Variants in ELAVL2 observed in about 807,000 individuals in gnomAD.
The protein encoded by ELAVL2 is ELAV like RNA binding protein 2.
A neutral mutation model predicts 34.6 loss-of-function variants in ELAVL2; 4 were observed. The ratio of observed to expected loss-of-function variants is 0.12; its 90% CI spans 0.06 to 0.26. ELAVL2 has a LOEUF of 0.26. Among genes scored for constraint, ELAVL2 ranks in the 10% least tolerant of loss-of-function variants. The pLI is 1.00. For missense variants in ELAVL2, 432 were observed against 442.8 expected, an observed-to-expected ratio of 0.98 and a Z score of 0.22; for synonymous variants, 193 against 154.8, an observed-to-expected ratio of 1.25 and a Z score of -1.83.
chr9:23,826,298 G>A (rs2065292511), upstream of ELAVL2: 1 of 152,354 alleles, frequency 6.6e-6, no homozygotes, highest in Non-Finnish European at 1.5e-5. Flanking sequence ...CCCCTTCTCT[G>A]CCTCCGCACT....
intron 2 of ELAVL2, among the ~76,000 whole-genome samples, chr9:23,737,787 C>T (rs1278515651): frequency 6.6e-6 from 1 of 152,142 alleles, no homozygotes; most frequent in Non-Finnish European, 1.5e-5. Context: ...TTAGCAGAAA[C>T]AGGTCACTAT....
the ELAVL2 span, among the ~76,000 whole-genome samples, chr9:23,844,698 A>G: frequency 6.6e-6 from 1 of 151,960 alleles, no homozygotes; most frequent in Non-Finnish European, 1.5e-5. Context: ...TTAACTTTAT[A>G]ATCTCTATTT....
rs575012755 is a variant in ELAVL2 at position 23,815,204 on chromosome 9, G to GA, written c.-16+10601dup. On this transcript the variant is annotated intron_variant, in intron 1 of 6. Coordinates refer to ENST00000397312, the MANE Select transcript of ELAVL2 (RefSeq NM_004432.5). ...AAATTTAAAATTTTGATTTTTCACT[G>GA]AAAAAAATATGAGAAATTTAAATTA... 3.0e-4 allele frequency among the ~76,000 whole-genome samples: 46 copies of GA among 152,090 alleles called. 1 individual carries two copies. The East Asian group carries it at 5.6e-3, about 19-fold the overall frequency.
chr9:23,790,553 T>C (rs1044736624), intron 1 of ELAVL2, among the ~76,000 whole-genome samples: 1 of 152,084 alleles, frequency 6.6e-6, no homozygotes, highest in Non-Finnish European at 1.5e-5. Context: ...ACCATAAAGC[T>C]CAACGTAAAG....
At chr9:23,800,069 A>C (rs2061401935) in intron 1 of ELAVL2, among the ~76,000 whole-genome samples, 1 of 152,210 alleles carries the variant, frequency 6.6e-6, no homozygotes, top group Non-Finnish European at 1.5e-5. Flanking sequence ...TTTCTCCTAA[A>C]ATAACCTCAT....
In ELAVL2 at chr9:23,772,533, C is replaced by CA. The variant is rs1433663815; in HGVS notation, c.-15-10285_-15-10284insT. On this transcript the variant is annotated intron_variant, in intron 1 of 6. Coordinates refer to ENST00000397312, the MANE Select transcript of ELAVL2 (RefSeq NM_004432.5). ...ACTGTTTAACCTCAAGCAGCTTACA[C>CA]CAAAAAAAAAAAAAAAAAAAAAAAG... Among the ~76,000 whole-genome samples, 489 of 87,272 alleles carry CA rather than the reference C, an allele frequency of 5.6e-3. 3 individuals are homozygous for CA. Among genetic ancestry groups the CA allele is most frequent in the African/African-American group, 0.025 (465 of 18,846 alleles). The allele number at this position is 87,272 out of a possible 152,430, so 57.3% of individuals were successfully genotyped here.
chr9:23,814,051 T>C (rs1440819623), intron 1 of ELAVL2, among the ~76,000 whole-genome samples: 1 of 152,102 alleles, frequency 6.6e-6, no homozygotes, highest in Non-Finnish European at 1.5e-5. Context: ...CAAGAAGCAA[T>C]ACATTTGGCT....
the ELAVL2 span, among the ~76,000 whole-genome samples, chr9:23,850,099 ATACC>A: frequency 6.8e-6 from 1 of 146,536 alleles, no homozygotes; most frequent in Non-Finnish European, 1.5e-5. Context: ...GGTTCAGAAC[ATACC>A]GGGGAGGGGG....
intron 1 of ELAVL2, among the ~76,000 whole-genome samples, chr9:23,786,090 C>T (rs976842121): frequency 4.6e-5 from 7 of 152,118 alleles, no homozygotes; most frequent in African/African-American, 1.7e-4. Context: ...ACATTTGAAA[C>T]ATTTGTGATA....
the ELAVL2 span, among the ~76,000 whole-genome samples, chr9:23,841,432 T>C: frequency 6.6e-6 from 1 of 151,888 alleles, no homozygotes; most frequent in Non-Finnish European, 1.5e-5. Flanking sequence ...GTTTTTACTT[T>C]AGAGTTTCTA....
rs114033619 is a variant in ELAVL2 at position 23,786,382 on chromosome 9, A to G, written c.-15-24133T>C. Among the ~76,000 whole-genome samples the G allele has an allele frequency of 1.7e-3, 253 of 152,324 alleles. 2 individuals carry two copies. The highest frequency in any genetic ancestry group is 5.9e-3 in the African/African-American group (246 of 41,580). ...AAATGCTTATTTCATACTGAAATTT[A>G]CAGGACATGAATGACTTAGCAATAT... On this transcript the variant is annotated intron_variant, in intron 1 of 6. Transcript: ENST00000397312.
intron 3 of ELAVL2, among the ~76,000 whole-genome samples, chr9:23,715,825 G>A (rs1170084926): frequency 6.6e-6 from 1 of 152,054 alleles, no homozygotes; most frequent in Non-Finnish European, 1.5e-5. Context: ...ACACTGGCTG[G>A]CATAAATAAA....
At chr9:23,778,230 G>C (rs981445731) in intron 1 of ELAVL2, among the ~76,000 whole-genome samples, 9 of 152,132 alleles carry the variant, frequency 5.9e-5, no homozygotes, top group African/African-American at 2.2e-4. Context: ...GAAGGACAAA[G>C]GAAAAGTGGC....
chr9:23,741,838 G>C (rs1191481668), intron 2 of ELAVL2, among the ~76,000 whole-genome samples: 2 of 152,086 alleles, frequency 1.3e-5, no homozygotes, highest in Admixed American at 1.3e-4. Context: ...TAGAATACTA[G>C]TTTGCCATCT....
At chr9:23,788,828 G>A (rs2060007757) in intron 1 of ELAVL2, among the ~76,000 whole-genome samples, 1 of 152,158 alleles carries the variant, frequency 6.6e-6, no homozygotes, top group South Asian at 2.1e-4. Context: ...ACTAGACAAA[G>A]GGAGGATTCA....
chr9:23,799,561 T>C (rs2061348789), intron 1 of ELAVL2, among the ~76,000 whole-genome samples: 1 of 152,206 alleles, frequency 6.6e-6, no homozygotes, highest in African/African-American at 2.4e-5. Flanking sequence ...CTAATTACAA[T>C]ATCCAGCCCC....
At chr9:23,715,398 T>G (rs573135908) in intron 3 of ELAVL2, among the ~76,000 whole-genome samples, 1 of 152,338 alleles carries the variant, frequency 6.6e-6, no homozygotes, top group East Asian at 1.9e-4. Context: ...GCCGCCCGTC[T>G]CGGCCTCCCA....
rs559609640 is a variant in ELAVL2 at position 23,722,687 on chromosome 9, T to G, written c.333+8335A>C. 2.9e-4 allele frequency among the ~76,000 whole-genome samples: 44 copies of G among 152,362 alleles called. 1 individual carries two copies. The South Asian group carries it at 9.1e-3, about 32-fold the overall frequency. ...AAAGCTACGGCATCAGCCAACATGA[T>G]ACTACATTTCTGATGCTTATTAGCT... On this transcript the variant is annotated intron_variant, in intron 3 of 6. Transcript: ENST00000397312.
chr9:23,735,301 GTCTC>G (rs1000882595), intron 2 of ELAVL2: 1 of 151,858 alleles, frequency 6.6e-6, no homozygotes, highest in Non-Finnish European at 1.5e-5. Context: ...TTGAGGCAAG[GTCTC>G]TCTCTCTGTC....
Sources: allele counts gnomAD v4.1 joint callset (sites outside exome capture counted in the v4.1 genomes callset), GRCh38; gene constraint gnomAD v4.1.1; transcripts MANE v1.5; gene names NCBI Gene and HGNC (gene_info 2026-07-23, HGNC 2026-07-21).